Variants in CADM1 observed in about 807,000 individuals in gnomAD.
CADM1 encodes the protein cell adhesion molecule 1, also known as TSLC-1.
Under a neutral mutation model 53.1 loss-of-function variants are expected in CADM1, and 15 were observed. The ratio of observed to expected loss-of-function variants is 0.28; its 90% CI spans 0.19 to 0.44. The LOEUF (loss-of-function observed/expected upper bound fraction) is 0.44, where lower values mean the gene tolerates loss of function less well. CADM1 is among the 20% of genes least tolerant of loss of function. The probability of loss-of-function intolerance (pLI) is 1.00; values close to 1 mark genes in which losing one functional copy is unlikely to be tolerated. For synonymous variants in CADM1, 281 were observed against 243.0 expected (o/e 1.16, Z -1.45); for missense variants, 434 against 611.3 (o/e 0.71, Z 3.06).
chr11:115,383,882 G>A (rs1946637730), intron 1 of CADM1, among the ~76,000 whole-genome samples: 1 of 151,950 alleles, frequency 6.6e-6, no homozygotes, highest in African/African-American at 2.4e-5. Flanking sequence ...CATAGCAAGA[G>A]CCAATAGCAA....
At chr11:115,204,219 T>C (rs537888141) in intron 8 of CADM1, among the ~76,000 whole-genome samples, 11 of 152,334 alleles carry the variant, frequency 7.2e-5, no homozygotes, top group African/African-American at 2.6e-4. Context: ...TGAAGTAACA[T>C]TGGACCTTCA....
chr11:115,229,337 C>T (rs1941735154), intron 4 of CADM1, 66 bp from the exon 5 acceptor site: 1 of 1,471,292 alleles, frequency 6.8e-7, no homozygotes, highest in Non-Finnish European at 9.5e-7. Context: ...GTTTTTATGT[C>T]CTCCCCTCTG....
intron 9 of CADM1, chr11:115,193,901 T>C (rs1940018344): frequency 6.6e-6 from 1 of 152,190 alleles, no homozygotes; most frequent in South Asian, 2.1e-4. Context: ...CCACCAGCCA[T>C]GAGTTCAGAC....
intron 1 of CADM1, among the ~76,000 whole-genome samples, chr11:115,394,366 G>A (rs1187410712): frequency 5.9e-5 from 9 of 152,096 alleles, no homozygotes; most frequent in Admixed American, 5.9e-4. Flanking sequence ...GAAGCAAGAT[G>A]CTTGGATACC....
chr11:115,332,919 C>G (rs1945170636), intron 1 of CADM1, among the ~76,000 whole-genome samples: 1 of 152,072 alleles, frequency 6.6e-6, no homozygotes, highest in Admixed American at 6.6e-5. Context: ...TTCCCTAAGA[C>G]CATCACTCCA....
intron 1 of CADM1, among the ~76,000 whole-genome samples, chr11:115,405,746 A>G (rs1315950821): frequency 6.6e-6 from 1 of 152,258 alleles, no homozygotes; most frequent in African/African-American, 2.4e-5. Flanking sequence ...CATTTATATC[A>G]TTATGTTTAA....
At chr11:115,334,286 A>G (rs186284877) in intron 1 of CADM1, among the ~76,000 whole-genome samples, 109 of 152,274 alleles carry the variant, frequency 7.2e-4, no homozygotes, top group African/African-American at 2.4e-3. Context: ...AGAATTGATC[A>G]CATTTCCCTT....
chr11:115,320,817 GA>G (rs61243045), intron 1 of CADM1, among the ~76,000 whole-genome samples: 1 of 152,030 alleles, frequency 6.6e-6, no homozygotes, highest in Non-Finnish European at 1.5e-5. Context: ...TAATATAGGG[GA>G]AAAATCAATA....
At chr11:115,412,398 G>A (rs550787696) in intron 1 of CADM1, among the ~76,000 whole-genome samples, 20 of 152,244 alleles carry the variant, frequency 1.3e-4, no homozygotes, top group Admixed American at 1.0e-3. Flanking sequence ...ATCTTGCTAT[G>A]TTGCCCAGGC....
chr11:115,381,939 G>T (rs375287512), intron 1 of CADM1, among the ~76,000 whole-genome samples: 2 of 151,930 alleles, frequency 1.3e-5, no homozygotes, highest in Non-Finnish European at 1.5e-5. Flanking sequence ...TCTGCCTCCC[G>T]GGTTCAAGCC....
intron 1 of CADM1, among the ~76,000 whole-genome samples, chr11:115,316,935 CCA>C (rs1235949675): frequency 6.6e-6 from 1 of 152,122 alleles, no homozygotes; most frequent in African/African-American, 2.4e-5. Context: ...CAATGTAAAA[CCA>C]CAGTGTGTGC....
At chr11:115,379,871 T>C (rs1010014442) in intron 1 of CADM1, among the ~76,000 whole-genome samples, 2 of 152,202 alleles carry the variant, frequency 1.3e-5, no homozygotes, top group Non-Finnish European at 2.9e-5. Context: ...ATACAGTATC[T>C]TTAATACTAT....
At chr11:115,411,606 A>T (rs912150902) in intron 1 of CADM1, among the ~76,000 whole-genome samples, 5 of 152,140 alleles carry the variant, frequency 3.3e-5, no homozygotes, top group Admixed American at 2.0e-4. Context: ...AAAATAAACA[A>T]CTAAGAAAAA....
intron 1 of CADM1, among the ~76,000 whole-genome samples, chr11:115,443,299 C>G (rs930501123): frequency 2.0e-5 from 3 of 152,182 alleles, no homozygotes; most frequent in African/African-American, 7.2e-5. Flanking sequence ...CCATCATTCT[C>G]ACCACCACTC....
At chr11:115,401,699 GA>G (rs1482393000) in intron 1 of CADM1, among the ~76,000 whole-genome samples, 3 of 152,168 alleles carry the variant, frequency 2.0e-5, no homozygotes, top group African/African-American at 4.8e-5. Flanking sequence ...TTAAGGCAGG[GA>G]AAATACTGTA....
intron 1 of CADM1, among the ~76,000 whole-genome samples, chr11:115,428,363 A>G (rs1186027695): frequency 1.3e-5 from 2 of 152,220 alleles, no homozygotes; most frequent in Non-Finnish European, 2.9e-5. Context: ...CATAATTCTT[A>G]TAATGCCCTC....
intron 1 of CADM1, among the ~76,000 whole-genome samples, chr11:115,409,909 C>T (rs1380669999): frequency 6.6e-6 from 1 of 152,160 alleles, no homozygotes; most frequent in Non-Finnish European, 1.5e-5. Flanking sequence ...AGAAGGGGGT[C>T]TGTACGCAAA....
chr11:115,360,670 C>T (rs1946003587), intron 1 of CADM1, among the ~76,000 whole-genome samples: 1 of 152,192 alleles, frequency 6.6e-6, no homozygotes, highest in Non-Finnish European at 1.5e-5. Context: ...GGAAACTGTA[C>T]TTGTGTGGTC....
intron 1 of CADM1, among the ~76,000 whole-genome samples, chr11:115,286,154 T>C (rs1228006769): frequency 6.6e-6 from 1 of 152,242 alleles, no homozygotes; most frequent in Non-Finnish European, 1.5e-5. Flanking sequence ...AAAATGTTTT[T>C]ATATAATCTT....
Sources: gnomAD v4.1 joint callset for allele counts (sites outside exome capture counted in the v4.1 genomes callset) on GRCh38, gnomAD v4.1.1 for gene constraint, MANE v1.5 for transcripts, NCBI Gene and HGNC (gene_info 2026-07-23, HGNC 2026-07-21) for gene names.